Variants in SLC24A3 observed in about 807,000 individuals in gnomAD.
SLC24A3 encodes solute carrier family 24 member 3.
In SLC24A3, 28 loss-of-function variants were observed where a neutral mutation model predicts 75.8. That is an observed-to-expected ratio of 0.37 (90% CI 0.27 to 0.51). The LOEUF (loss-of-function observed/expected upper bound fraction) is 0.51. Ranked by LOEUF, SLC24A3 falls within the 20% of genes least tolerant of loss-of-function variation. SLC24A3 has a pLI of 0.94. For missense variants in SLC24A3, 663 were observed against 847.8 expected, an observed-to-expected ratio of 0.78 and a Z score of 2.71; for synonymous variants, 372 against 334.1, an observed-to-expected ratio of 1.11 and a Z score of -1.24.
intron 15 of SLC24A3, among the ~76,000 whole-genome samples, chr20:19,715,622 G>A (rs772463393): frequency 3.9e-5 from 6 of 152,080 alleles, no homozygotes; most frequent in Non-Finnish European, 5.9e-5. Flanking sequence ...TGTTTAGGGC[G>A]TATGGTGTCC....
chr20:19,292,775 C>T (rs923169587), intron 2 of SLC24A3, among the ~76,000 whole-genome samples: 3 of 152,182 alleles, frequency 2.0e-5, no homozygotes, highest in African/African-American at 7.2e-5. Context: ...GACTGAATGT[C>T]GTCTAAACGA....
intron 3 of SLC24A3, among the ~76,000 whole-genome samples, chr20:19,525,285 C>T (rs2030177943): frequency 1.3e-5 from 2 of 152,114 alleles, no homozygotes; most frequent in African/African-American, 4.8e-5. Context: ...TCCTGAGGAC[C>T]CACACCAGAA....
chr20:19,255,308 C>T (rs967556293), intron 1 of SLC24A3, among the ~76,000 whole-genome samples: 2 of 152,218 alleles, frequency 1.3e-5, no homozygotes, highest in East Asian at 1.9e-4. Flanking sequence ...GAATTCCCTC[C>T]GCTATAGGAT....
At chr20:19,353,720 T>C (rs1261266225) in intron 2 of SLC24A3, among the ~76,000 whole-genome samples, 2 of 152,208 alleles carry the variant, frequency 1.3e-5, no homozygotes, top group African/African-American at 4.8e-5. Context: ...GATACACTCA[T>C]AAAAGGATGT....
intron 6 of SLC24A3, among the ~76,000 whole-genome samples, chr20:19,636,540 A>G (rs2032004859): frequency 1.3e-5 from 2 of 152,204 alleles, no homozygotes; most frequent in Admixed American, 6.5e-5. Context: ...AGCCAAGCAC[A>G]CTTAAGTATT....
intron 2 of SLC24A3, among the ~76,000 whole-genome samples, chr20:19,436,413 C>T (rs1185171258): frequency 1.3e-5 from 2 of 152,158 alleles, no homozygotes; most frequent in Non-Finnish European, 2.9e-5. Flanking sequence ...CCTGCTCTAC[C>T]TGCTGAAAAG....
intron 1 of SLC24A3, among the ~76,000 whole-genome samples, chr20:19,252,033 G>T (rs143973127): frequency 4.0e-4 from 61 of 152,218 alleles, no homozygotes; most frequent in African/African-American, 1.3e-3. Flanking sequence ...TTTCTTTGTG[G>T]CCAGGCTACA....
At chr20:19,682,396 C>G (rs1298119584) in intron 10 of SLC24A3, among the ~76,000 whole-genome samples, 1 of 152,198 alleles carries the variant, frequency 6.6e-6, no homozygotes, top group African/African-American at 2.4e-5. Context: ...CACTCCCTGC[C>G]CCGAGAGAGC....
chr20:19,605,687 T>A (rs920146139), intron 6 of SLC24A3, among the ~76,000 whole-genome samples: 3 of 152,140 alleles, frequency 2.0e-5, no homozygotes, highest in African/African-American at 7.2e-5. Context: ...TTTCGACGTC[T>A]TCCCCAGAAA....
At chr20:19,320,760 G>A (rs1191666357) in intron 2 of SLC24A3, among the ~76,000 whole-genome samples, 1 of 151,970 alleles carries the variant, frequency 6.6e-6, no homozygotes, top group Admixed American at 6.6e-5. Context: ...AATACCTATT[G>A]CAATGTAAAT....
chr20:19,529,254 G>T (rs756087271), intron 3 of SLC24A3, among the ~76,000 whole-genome samples: 1 of 152,018 alleles, frequency 6.6e-6, no homozygotes, highest in Admixed American at 6.6e-5. Context: ...ACACTTTTTG[G>T]GTTTACATAG....
chr20:19,339,500 A>C (rs1985220190), intron 2 of SLC24A3, among the ~76,000 whole-genome samples: 1 of 152,254 alleles, frequency 6.6e-6, no homozygotes, highest in African/African-American at 2.4e-5. Flanking sequence ...GAAAAGTAGA[A>C]GAAACAGGTT....
At chr20:19,572,250 G>C (rs2031064135) in intron 3 of SLC24A3, among the ~76,000 whole-genome samples, 1 of 152,226 alleles carries the variant, frequency 6.6e-6, no homozygotes, top group Non-Finnish European at 1.5e-5. Flanking sequence ...GGTGGCTGAA[G>C]TGGGAGGATC....
chr20:19,533,836 G>C (rs926247262), intron 3 of SLC24A3, among the ~76,000 whole-genome samples: 1 of 152,240 alleles, frequency 6.6e-6, no homozygotes, highest in Non-Finnish European at 1.5e-5. Context: ...GTAAGATGGA[G>C]TAGATGAAGA....
At chr20:19,215,555 C>T (rs1981530296) in intron 1 of SLC24A3, among the ~76,000 whole-genome samples, 1 of 152,112 alleles carries the variant, frequency 6.6e-6, no homozygotes, top group Non-Finnish European at 1.5e-5. Flanking sequence ...TTTTCTAACA[C>T]ATATTGACCT....
chr20:19,635,436 G>T (rs1473829266), intron 6 of SLC24A3, among the ~76,000 whole-genome samples: 1 of 152,194 alleles, frequency 6.6e-6, no homozygotes, highest in East Asian at 1.9e-4. Flanking sequence ...GGAGTAATCA[G>T]GGTAATTAAT....
At chr20:19,451,432 A>G (rs1260298916) in intron 2 of SLC24A3, among the ~76,000 whole-genome samples, 1 of 152,202 alleles carries the variant, frequency 6.6e-6, no homozygotes, top group Admixed American at 6.5e-5. Context: ...TCCATTCGTC[A>G]TCATGTTGAG....
intron 8 of SLC24A3, among the ~76,000 whole-genome samples, chr20:19,666,098 T>C (rs1361012491): frequency 2.6e-5 from 4 of 152,086 alleles, no homozygotes; most frequent in Admixed American, 6.5e-5. Flanking sequence ...GCTAGAGTGG[T>C]GGGGTTCTAT....
chr20:19,675,655 C>G (rs561502325), intron 9 of SLC24A3, among the ~76,000 whole-genome samples: 1 of 152,142 alleles, frequency 6.6e-6, no homozygotes, highest in Admixed American at 6.5e-5. Context: ...CATACATATC[C>G]TGGTACCATA....
Sources: allele counts gnomAD v4.1 joint callset (sites outside exome capture counted in the v4.1 genomes callset), GRCh38; gene constraint gnomAD v4.1.1; transcripts MANE v1.5; gene names NCBI Gene and HGNC (gene_info 2026-07-23, HGNC 2026-07-21).